KIF20B: variants seen among roughly 807,000 people sequenced by gnomAD.
KIF20B encodes the protein kinesin family member 20B, also known as kinesin-like protein KIF20B.
In KIF20B, 188 loss-of-function variants were observed where a neutral mutation model predicts 232.5. That is an observed-to-expected ratio of 0.81 (90% confidence interval 0.72 to 0.91). KIF20B has a LOEUF of 0.91. KIF20B is among the 40% of genes least tolerant of loss of function. KIF20B has a pLI of 0.00. For missense variants in KIF20B, 2,154 were observed against 2,055.9 expected, an observed-to-expected ratio of 1.05 and a Z score of -0.92; for synonymous variants, 712 against 683.0, an observed-to-expected ratio of 1.04 and a Z score of -0.66.
In KIF20B at chr10:89,737,369, AT is replaced by A. The variant is rs1299334727; in HGVS notation, c.2546-14del. ...ATTAAGGTTTGCCAGATTAATAACAATTTTCTTATTTTTAAAGGGTCTATCC... is the reference window on the plus strand; with the variant it reads ...ATTAAGGTTTGCCAGATTAATAACAATTTCTTATTTTTAAAGGGTCTATCC... On this transcript the variant is annotated splice_polypyrimidine_tract_variant and intron_variant, in intron 19 of 32. Transcript: ENST00000371728. 1.4e-6 allele frequency: 2 copies of A among 1,456,604 alleles called. No homozygotes were observed. Among genetic ancestry groups the A allele is most frequent in the Admixed American group, 5.3e-5 (2 of 38,052 alleles). 90.2% of individuals were successfully genotyped at this position (1,456,604 alleles called of 1,614,324 possible).
intron 23 of KIF20B, among the ~76,000 whole-genome samples, chr10:89,750,017 A>T (rs552806949): frequency 1.3e-5 from 2 of 152,178 alleles, no homozygotes; most frequent in South Asian, 2.1e-4. Flanking sequence ...AGACTTCTTT[A>T]CTTTGCTTTA....
Position 89,714,076 on chromosome 10 carries a change from T to G in KIF20B, c.705T>G (p.Thr235=). Reference sequence around the variant, plus strand: ...CTGTGCATAATGATAGTGATGATACTCTTTATGGTAAGGTTTCGTTGCTCA... The same window carrying G: ...CTGTGCATAATGATAGTGATGATACGCTTTATGGTAAGGTTTCGTTGCTCA... ...EVTVHNDSDD[T]LYGSLTNSLN... Residue 235 remains threonine, a synonymous_variant, in exon 7 of 33, where the codon ACT becomes ACG. Coordinates refer to ENST00000371728, the MANE Select transcript of KIF20B (RefSeq NM_001284259.2). 1 of 1,454,844 alleles carries G rather than the reference T, an allele frequency of 6.9e-7. No individual in the cohort carries two copies. Among genetic ancestry groups the G allele is most frequent in the Non-Finnish European group, 9.3e-7 (1 of 1,080,906 alleles). 90.1% of individuals were successfully genotyped at this position (1,454,844 alleles called of 1,614,324 possible).
chr10:89,745,226 C>T (rs1033354641), intron 22 of KIF20B, among the ~76,000 whole-genome samples: 6 of 152,004 alleles, frequency 3.9e-5, no homozygotes, highest in South Asian at 2.1e-4. Flanking sequence ...CGGGTCATAA[C>T]GTAGATTAAA....
Position 89,739,024 on chromosome 10 carries a change from G to T in KIF20B, c.3843G>T (p.Lys1281Asn). Residue 1281 changes from lysine (K) to asparagine (N), a missense_variant, in exon 21 of 33, where the codon AAG (lysine) becomes AAT (asparagine). Transcript: ENST00000371728. ...TQNLKADLQR[K>N]EEDYADLKEK... ...ATCTGAAAGCAGATCTTCAGAGGAA[G>T]GAAGAAGATTATGCTGACCTGAAAG... 2.5e-6 allele frequency: 4 copies of T among 1,613,226 alleles called. No individual in the cohort carries two copies. The highest frequency in any genetic ancestry group is 3.4e-6 in the Non-Finnish European group (4 of 1,179,430).
chr10:89,757,061 T>C lies in KIF20B; in HGVS notation c.4504-1645T>C, dbSNP rs1463746754. ...GTGTGTATATATATATATATATATA[T>C]ATATATATACACACATGACAATTGC... is the stretch of plus-strand genomic sequence containing the variant. On this transcript the variant is annotated intron_variant, in intron 26 of 32. Coordinates refer to ENST00000371728, the MANE Select transcript of KIF20B (RefSeq NM_001284259.2). Among the ~76,000 whole-genome samples, 186 of 137,010 alleles carry C rather than the reference T, an allele frequency of 1.4e-3. 1 individual carries two copies. Among genetic ancestry groups the C allele is most frequent in the African/African-American group, 4.7e-3 (179 of 38,404 alleles). The allele number at this position is 137,010 out of a possible 152,430, so 89.9% of individuals were successfully genotyped here.
Position 89,737,908 on chromosome 10 carries a change from A to C in KIF20B, c.3067A>C (p.Asn1023His), listed in dbSNP as rs751194437. The C allele has an allele frequency of 3.1e-6, 5 of 1,613,522 alleles. No individual in the cohort carries two copies. The highest frequency in any genetic ancestry group is 4.2e-6 in the Non-Finnish European group (5 of 1,179,612). The change falls in exon 20 of 33, where the codon AAT becomes CAT. Residue 1023 changes from asparagine (N) to histidine (H), a missense_variant. By Grantham distance (68) the Asn-to-His change is moderately conservative (BLOSUM62 1). Coordinates refer to ENST00000371728, the MANE Select transcript of KIF20B (RefSeq NM_001284259.2). ...TGGTTCTGAGGAGGATAATTTGCCA[A>C]ATACACAGTTAGACCTTTTAGGTAA... ...SNGSEEDNLP[N>H]TQLDLLGNDY...
intron 18 of KIF20B, among the ~76,000 whole-genome samples, chr10:89,732,297 A>AT (rs1564664937): frequency 6.6e-6 from 1 of 152,016 alleles, no homozygotes; most frequent in East Asian, 1.9e-4. Flanking sequence ...TGGAATTTTA[A>AT]TTTTTTGTAG....
At chr10:89,762,980 C>T (rs1306907153) in intron 29 of KIF20B, 145 bp downstream of exon 29, 2 of 631,488 alleles carry the variant, frequency 3.2e-6, no homozygotes, top group Non-Finnish European at 5.5e-6. Flanking sequence ...TATTTTATAC[C>T]CTTTAAGGAT....
At position 89,710,026 on chromosome 10, in the gene KIF20B, T is replaced by TA; in HGVS notation, c.452dup (p.Tyr151Ter). The TA allele has an allele frequency of 1.9e-6, 3 of 1,610,374 alleles. No individual in the cohort carries two copies. The highest frequency in any genetic ancestry group is 2.5e-6 in the Non-Finnish European group (3 of 1,178,322). ...AGGACAGAGTCGTCTGATTTTTACT[T>TA]ACGGGCTAACCAATTCAGGAAAAAC... is the stretch of plus-strand genomic sequence containing the variant. ...LKGQSRLIFT[Y>*]GLTNSGKTYT... Residue 151 changes from tyrosine to a stop codon, truncating the protein, a stop_gained and frameshift_variant, in exon 5 of 33, where the codon TAC becomes TAAC. Transcript: ENST00000371728. LOFTEE classifies it high-confidence loss of function.
chr10:89,757,040 G>GTGTGTGTGTGTATATATA (rs1301847520), intron 26 of KIF20B, among the ~76,000 whole-genome samples: 3 of 110,748 alleles, frequency 2.7e-5, no homozygotes, highest in African/African-American at 6.7e-5. Context: ...GTGTGTGTGT[G>GTGTGTGTGTGTATATATA]TATATATATA....
Position 89,717,566 on chromosome 10 carries a change from C to G in KIF20B, c.1125-10C>G, listed in dbSNP as rs1276692817. The G allele has an allele frequency of 1.9e-6, 3 of 1,590,808 alleles. No individual in the cohort carries two copies. The highest frequency in any genetic ancestry group is 1.8e-5 in the Admixed American group (1 of 55,862). On this transcript the variant is annotated splice_polypyrimidine_tract_variant and intron_variant, in intron 10 of 32. Coordinates refer to ENST00000371728, the MANE Select transcript of KIF20B (RefSeq NM_001284259.2). Reference sequence around the variant, plus strand: ...AGAACTTTTAAAGTACTTTTTTTTTCTTAATTCAGATTATCTTTATGTGAT... The same window carrying G: ...AGAACTTTTAAAGTACTTTTTTTTTGTTAATTCAGATTATCTTTATGTGAT...
chr10:89,769,313 T>G (rs964337033), intron 31 of KIF20B, among the ~76,000 whole-genome samples: 2 of 151,968 alleles, frequency 1.3e-5, no homozygotes, highest in Non-Finnish European at 2.9e-5. Flanking sequence ...TTTCTGTTTT[T>G]GGTTGGGGCA....
At chr10:89,728,225 T>C (rs1218597479) in intron 17 of KIF20B, among the ~76,000 whole-genome samples, 1 of 152,184 alleles carries the variant, frequency 6.6e-6, no homozygotes, top group Non-Finnish European at 1.5e-5. Context: ...ACAATTCCTA[T>C]CTTTTCTTGT....
At chr10:89,761,107 A>C (rs1242872492) in intron 28 of KIF20B, among the ~76,000 whole-genome samples, 1 of 152,184 alleles carries the variant, frequency 6.6e-6, no homozygotes, top group East Asian at 1.9e-4. Context: ...GAAATAGATA[A>C]AAATTCTATG....
In KIF20B at chr10:89,738,389, T is replaced by A; in HGVS notation, c.3548T>A (p.Leu1183Ter). ...QKVECSHSAK[L>*]EQDILEKESI... ...GTTGAATGTAGTCATTCAGCCAAGTTAGAACAAGACATTTTGGAAAAGGAA... is the reference window on the plus strand; with the variant it reads ...GTTGAATGTAGTCATTCAGCCAAGTAAGAACAAGACATTTTGGAAAAGGAA... Residue 1183 changes from leucine to a stop codon, truncating the protein, a stop_gained, in exon 20 of 33, where the codon TTA becomes TAA. Coordinates refer to ENST00000371728, the MANE Select transcript of KIF20B (RefSeq NM_001284259.2). LOFTEE classifies it high-confidence loss of function. The A allele has an allele frequency of 1.2e-6, 2 of 1,603,984 alleles. No homozygotes were observed. Among genetic ancestry groups the A allele is most frequent in the Non-Finnish European group, 1.7e-6 (2 of 1,177,482 alleles).
rs746726889 is a variant in KIF20B, at chr10:89,760,632, TAG to T, written c.4790_4791del (p.Glu1597GlyfsTer7). ...AGTTTTGAAATTTCCAGAAATAAAATAGAGGTGGGTATTTGGCAGCACAGTCC... is the reference window on the plus strand; with the variant it reads ...AGTTTTGAAATTTCCAGAAATAAAATAGGTGGGTATTTGGCAGCACAGTCC... On this transcript the variant is annotated frameshift_variant and splice_region_variant, in exon 28 of 33. Transcript: ENST00000371728. LOFTEE classifies it high-confidence loss of function. 6.3e-5 allele frequency: 98 copies of T among 1,556,420 alleles called. No individual in the cohort carries two copies. The highest frequency in any genetic ancestry group is 6.2e-6 in the Non-Finnish European group (7 of 1,128,094).
At chr10:89,703,837 C>T (rs1245936423) in intron 1 of KIF20B, among the ~76,000 whole-genome samples, 1 of 150,978 alleles carries the variant, frequency 6.6e-6, no homozygotes, top group Non-Finnish European at 1.5e-5. Context: ...ACTGCAGCCT[C>T]TGCCTCCTGG....
intron 23 of KIF20B, among the ~76,000 whole-genome samples, chr10:89,747,536 C>T (rs549235971): frequency 1.9e-4 from 28 of 150,358 alleles, no homozygotes; most frequent in Non-Finnish European, 3.9e-4. Flanking sequence ...CACATATACA[C>T]CATGGAATAC....
intron 19 of KIF20B, among the ~76,000 whole-genome samples, chr10:89,734,410 TA>T (rs914495576): frequency 9.9e-5 from 15 of 152,060 alleles, no homozygotes; most frequent in African/African-American, 3.6e-4. Flanking sequence ...AAACTGTGTC[TA>T]AAAAAATGAA....
Sources: allele counts gnomAD v4.1 joint callset (sites outside exome capture counted in the v4.1 genomes callset), GRCh38; gene constraint gnomAD v4.1.1; transcripts MANE v1.5; gene names NCBI Gene and HGNC (gene_info 2026-07-23, HGNC 2026-07-21).